Variants in LRCH1 observed in about 807,000 individuals in gnomAD.
LRCH1 encodes leucine rich repeats and calponin homology domain containing 1.
Under a neutral mutation model 94.9 loss-of-function variants are expected in LRCH1, and 23 were observed. The ratio of observed to expected loss-of-function variants is 0.24; its 90% CI spans 0.17 to 0.34. The LOEUF is 0.34. LRCH1 is among the 10% of genes least tolerant of loss of function. The pLI is 1.00. For missense variants in LRCH1, 790 were observed against 945.9 expected (o/e 0.84, Z 2.16); for synonymous variants, 364 against 354.9 (o/e 1.03, Z -0.29).
intron 1 of LRCH1, among the ~76,000 whole-genome samples, chr13:46,629,206 C>G (rs1288070146): frequency 5.9e-5 from 9 of 152,274 alleles, no homozygotes; most frequent in East Asian, 1.9e-4. Flanking sequence ...CTGATAAAAC[C>G]AGCATAGAGG....
chr13:46,672,103 C>G (rs1239918225), intron 3 of LRCH1, among the ~76,000 whole-genome samples: 1 of 152,160 alleles, frequency 6.6e-6, no homozygotes, highest in East Asian at 1.9e-4. Flanking sequence ...CATAGTTTTG[C>G]CTTTTCCAGA....
At chr13:46,727,524 A>ACGGAGTCT in intron 17 of LRCH1, among the ~76,000 whole-genome samples, 1 of 152,314 alleles carries the variant, frequency 6.6e-6, no homozygotes, top group South Asian at 2.1e-4. Flanking sequence ...TTTTTTTGAG[A>ACGGAGTCT]CGGAGTCTCG....
chr13:46,736,445 A>G (rs905816418), intron 19 of LRCH1, among the ~76,000 whole-genome samples: 1 of 152,060 alleles, frequency 6.6e-6, no homozygotes, highest in Admixed American at 6.6e-5. Flanking sequence ...CCCACCTTAG[A>G]TATTTATACT....
chr13:46,635,867 T>C (rs887618779), intron 1 of LRCH1, among the ~76,000 whole-genome samples: 1 of 152,050 alleles, frequency 6.6e-6, no homozygotes, highest in African/African-American at 2.4e-5. Context: ...CCCATCAGCA[T>C]ACAAACATGC....
intron 9 of LRCH1, among the ~76,000 whole-genome samples, chr13:46,697,518 ATGTC>A (rs1246213270): frequency 6.6e-6 from 1 of 152,200 alleles, no homozygotes; most frequent in African/African-American, 2.4e-5. Flanking sequence ...CTTCAGTACT[ATGTC>A]TGGGGCCATT....
chr13:46,698,793 G>A (rs1323917005), intron 9 of LRCH1, among the ~76,000 whole-genome samples: 2 of 152,184 alleles, frequency 1.3e-5, no homozygotes, highest in African/African-American at 2.4e-5. Context: ...ATTTAAAAAT[G>A]TTTAATTATG....
chr13:46,698,686 C>T (rs1042411018), intron 9 of LRCH1, among the ~76,000 whole-genome samples: 1 of 152,144 alleles, frequency 6.6e-6, no homozygotes, highest in Non-Finnish European at 1.5e-5. Flanking sequence ...TCTCTCAATA[C>T]AAGAAGGTGC....
chr13:46,687,739 G>A (rs1206323861), intron 5 of LRCH1, 113 bp from the exon 6 acceptor site: 1 of 748,798 alleles, frequency 1.3e-6, no homozygotes, highest in Admixed American at 2.8e-5. Context: ...ACATTGGTAG[G>A]GTGTTACTTA....
At chr13:46,725,268 A>G (rs1209372629) in intron 17 of LRCH1, among the ~76,000 whole-genome samples, 1 of 152,244 alleles carries the variant, frequency 6.6e-6, no homozygotes, top group Non-Finnish European at 1.5e-5. Context: ...TGCTTAGGTG[A>G]CAGGATCATT....
intron 1 of LRCH1, among the ~76,000 whole-genome samples, chr13:46,558,474 A>G (rs9562668): frequency 0.39 from 57,876 of 149,516 alleles, 12,426 homozygotes; most frequent in East Asian, 0.51. Context: ...GGTGACTCAC[A>G]CCTGTAATCC....
At chr13:46,719,735 C>T (rs1481098935) in intron 16 of LRCH1, among the ~76,000 whole-genome samples, 1 of 152,202 alleles carries the variant, frequency 6.6e-6, no homozygotes, top group Non-Finnish European at 1.5e-5. Context: ...CAGTAGCTCA[C>T]GCCTGAATTC....
At chr13:46,634,769 T>C (rs950844273) in intron 1 of LRCH1, among the ~76,000 whole-genome samples, 2 of 152,112 alleles carry the variant, frequency 1.3e-5, no homozygotes, top group South Asian at 4.1e-4. Flanking sequence ...GTCTCTAATA[T>C]CTAGCATGGT....
chr13:46,656,697 C>T (rs535516031), intron 2 of LRCH1, among the ~76,000 whole-genome samples: 4 of 152,354 alleles, frequency 2.6e-5, no homozygotes, highest in East Asian at 1.9e-4. Flanking sequence ...GTGGAGTTTA[C>T]GCTTTGCCTT....
At chr13:46,735,627 C>A (rs1429498354) in intron 19 of LRCH1, among the ~76,000 whole-genome samples, 1 of 152,030 alleles carries the variant, frequency 6.6e-6, no homozygotes. Flanking sequence ...TCTCAAGATG[C>A]CCCTGGCAGT....
intron 18 of LRCH1, among the ~76,000 whole-genome samples, chr13:46,730,392 A>T (rs1873041837): frequency 6.6e-6 from 1 of 152,150 alleles, no homozygotes; most frequent in African/African-American, 2.4e-5. Flanking sequence ...TGCAATGTTC[A>T]TAAAATCTCA....
chr13:46,582,648 C>CGGTTTTTTTTTTTTTT (rs2050383964), intron 1 of LRCH1, among the ~76,000 whole-genome samples: 1 of 23,332 alleles, frequency 4.3e-5, no homozygotes. Context: ...CCATGCCCAG[C>CGGTTTTTTTTTTTTTT]TTTTTTTTTT....
chr13:46,650,116 TAA>T, intron 1 of LRCH1, 83 bp from the exon 2 acceptor site: 1 of 918,402 alleles, frequency 1.1e-6, no homozygotes. Context: ...TGTATAATGT[TAA>T]GAAAAACAGT....
chr13:46,568,256 G>T (rs901529012), intron 1 of LRCH1, among the ~76,000 whole-genome samples: 1 of 152,190 alleles, frequency 6.6e-6, no homozygotes, highest in Non-Finnish European at 1.5e-5. Flanking sequence ...GACAGTCTGG[G>T]TTTATAACTC....
Position 46,741,061 on chromosome 13 carries a change from T to C in LRCH1, c.2086-581T>C, listed in dbSNP as rs534932937. 3.3e-5 allele frequency among the ~76,000 whole-genome samples: 5 copies of C among 152,300 alleles called. No individual in the cohort carries two copies. The South Asian group carries it at 1.0e-3, about 32-fold the overall frequency. On this transcript the variant is annotated intron_variant, in intron 19 of 19. Coordinates refer to ENST00000389797, the MANE Select transcript of LRCH1 (RefSeq NM_001164211.2). Reference sequence around the variant, plus strand: ...GTTGTTGCAAAAATATGAAATGTAATGTACTTTCTGACACATGTAGGGACA... The same window carrying C: ...GTTGTTGCAAAAATATGAAATGTAACGTACTTTCTGACACATGTAGGGACA...
Sources: gnomAD v4.1 joint callset for allele counts (sites outside exome capture counted in the v4.1 genomes callset) on GRCh38, gnomAD v4.1.1 for gene constraint, MANE v1.5 for transcripts, NCBI Gene and HGNC (gene_info 2026-07-23, HGNC 2026-07-21) for gene names.